The following RPLP0 variants were observed in gnomAD, a reference collection of about 807,000 sequenced individuals.
RPLP0 encodes the protein large ribosomal subunit protein uL10.
For missense variants in RPLP0, 276 were observed against 402.9 expected, an observed-to-expected ratio of 0.69 and a Z score of 2.70; for synonymous variants, 137 against 153.4, an observed-to-expected ratio of 0.89 and a Z score of 0.79.
At chr12:120,199,510 C>T in intron 2 of RPLP0, 25 bp from the exon 3 acceptor site, 3 of 1,607,074 alleles carry the variant, frequency 1.9e-6, no homozygotes, top group Non-Finnish European at 2.5e-6. Flanking sequence ...CCAGAGGAGC[C>T]AAGTTTAACA....
Position 120,198,812 on chromosome 12 carries a change from C to G in RPLP0, c.465+42G>C. On this transcript the variant is annotated intron_variant, in intron 5 of 7. Coordinates refer to ENST00000392514, the MANE Select transcript of RPLP0 (RefSeq NM_001002.4). This position sits in a 1 kb window ranked among gnomAD's most constrained non-coding sequence, Gnocchi z 4.1. ...AGATCCATGGCCACTAAAAGCAGCT[C>G]CCCATTTGCCTGGTTAGCACAGGCA... The G allele has an allele frequency of 6.2e-7, 1 of 1,612,572 alleles. No individual in the cohort carries two copies. The highest frequency in any genetic ancestry group is 1.3e-5 in the African/African-American group (1 of 74,984).
In RPLP0 at chr12:120,199,186, C is replaced by T; in HGVS notation, c.250G>A (p.Gly84Arg). 1 of 1,614,036 alleles carries T rather than the reference C, an allele frequency of 6.2e-7. No individual in the cohort carries two copies. The highest frequency in any genetic ancestry group is 1.1e-5 in the South Asian group (1 of 91,078). ...TTGGTGAACACAAAGCCCACATTCC[C>T]CCGGATATGAGGCAGCAGTCTGCAA... ...ALEKLLPHIR[G>R]NVGFVFTKED... is the part of the protein sequence containing the mutation. Residue 84 changes from glycine (G) to arginine (R), a missense_variant, in exon 4 of 8, where the codon GGG (glycine) becomes AGG (arginine). Transcript: ENST00000392514.
At position 120,196,802 on chromosome 12, in the gene RPLP0, C is replaced by T. The variant is rs915458859; in HGVS notation, c.925G>A (p.Glu309Lys). The change falls in exon 8 of 8, where the codon GAG becomes AAG. Residue 309 changes from glutamate (E) to lysine (K), a missense_variant. Transcript: ENST00000392514. ...TCAAAGAGACCAAATCCCATATCCT[C>T]GTCCGACTCCTCCGACTCTTCCTTG... The part of the protein sequence containing the change: ...EAKEESEESD[E>K]DMGFGLFD 3.8e-6 allele frequency: 6 copies of T among 1,591,882 alleles called. No individual in the cohort carries two copies. In the Admixed American group the frequency reaches 5.1e-5, roughly 14 times the overall value.
chr12:120,197,135 C>CCT, intron 7 of RPLP0, 187 bp downstream of exon 7: 1 of 1,040,002 alleles, frequency 9.6e-7, no homozygotes, highest in Non-Finnish European at 1.4e-6. Flanking sequence ...CCATTAACCC[C>CCT]CTCTTTGGGT....
chr12:120,199,464 T>G lies in RPLP0; in HGVS notation c.76A>C (p.Lys26Gln). ...KIIQLLDDYPKCFIVGADNVG... is the reference protein window; with the variant it reads ...KIIQLLDDYPQCFIVGADNVG... ...TTGTCTGCTCCCACAATGAAACATT[T>G]CGGATAATCATCCAATAGTTGCTAC... The change falls in exon 3 of 8, where the codon AAA becomes CAA. Residue 26 changes from lysine (K) to glutamine (Q), a missense_variant. Transcript: ENST00000392514. 1 of 1,614,042 alleles carries G rather than the reference T, an allele frequency of 6.2e-7. No individual in the cohort carries two copies. Among genetic ancestry groups the G allele is most frequent in the Non-Finnish European group, 8.5e-7 (1 of 1,180,020 alleles).
At chr12:120,196,963 G>T in intron 7 of RPLP0, 29 bp from the exon 8 acceptor site, 1 of 1,612,230 alleles carries the variant, frequency 6.2e-7, no homozygotes, top group South Asian at 1.1e-5. Context: ...TGGTCAAAAT[G>T]GTCATCCACA....
Position 120,197,316 on chromosome 12 carries a change from T to A in RPLP0, c.792+6A>T, listed in dbSNP as rs1275873595. 1.2e-6 allele frequency: 2 copies of A among 1,612,944 alleles called. No homozygotes were observed. Among genetic ancestry groups the A allele is most frequent in the Non-Finnish European group, 1.7e-6 (2 of 1,178,996 alleles). ...GCCCACTGTGGTCCTGGTGGGATCC[T>A]TTTACCTTTTCAGCAAGTGGGAAGG... On this transcript the variant is annotated splice_donor_region_variant and intron_variant, in intron 7 of 7. Transcript: ENST00000392514.
chr12:120,196,961 A>G (rs774856632), intron 7 of RPLP0, 27 bp from the exon 8 acceptor site: 2 of 1,612,404 alleles, frequency 1.2e-6, no homozygotes, highest in South Asian at 1.1e-5. Context: ...AGTGGTCAAA[A>G]TGGTCATCCA....
At chr12:120,197,648 G>T in intron 6 of RPLP0, 186 bp from the exon 7 acceptor site, 3 of 665,418 alleles carry the variant, frequency 4.5e-6, no homozygotes, top group Non-Finnish European at 7.5e-6. Flanking sequence ...AATAAATTTT[G>T]CCCTTATTCC....
chr12:120,196,932 G>A lies in RPLP0; in HGVS notation c.795C>T (p.Val265=). 6.2e-7 allele frequency: 1 copy of A among 1,613,232 alleles called. No homozygotes were observed. The highest frequency in any genetic ancestry group is 8.5e-7 in the Non-Finnish European group (1 of 1,179,982). The change falls in exon 8 of 8, where the codon GTC becomes GTT. Residue 265 remains valine (V), a splice_region_variant and synonymous_variant. Transcript: ENST00000392514. ...TDYTFPLAEK[V]KAFLADPSAF... Reference sequence around the variant, plus strand: ...CAGATGGATCAGCCAAGAAGGCCTTGACCTGAAAGGAGGGGGGAAGTGGTC... The same window carrying A: ...CAGATGGATCAGCCAAGAAGGCCTTAACCTGAAAGGAGGGGGGAAGTGGTC...
chr12:120,197,456 G>C lies in RPLP0; in HGVS notation c.658C>G (p.Arg220Gly), dbSNP rs776880572. The C allele has an allele frequency of 1.1e-5, 18 of 1,613,732 alleles. No individual in the cohort carries two copies. Among genetic ancestry groups the C allele is most frequent in the Non-Finnish European group, 1.4e-5 (17 of 1,179,832 alleles). ...TLHSRFLEGV[R>G]NVASVCLQIG... ...TGCAGACAGACACTGGCAACATTGC[G>C]GACACCCTGGGGGAGGGAAGATTTC... The change falls in exon 7 of 8, where the codon CGC becomes GGC. Residue 220 changes from arginine to glycine, a missense_variant. By Grantham distance (125) the Arg-to-Gly change is moderately radical (BLOSUM62 -2). Transcript: ENST00000392514.
chr12:120,198,483 A>C lies in RPLP0; in HGVS notation c.651+71T>G. 2 of 1,538,406 alleles carry C rather than the reference A, an allele frequency of 1.3e-6. No homozygotes were observed. Among genetic ancestry groups the C allele is most frequent in the African/African-American group, 2.7e-5 (2 of 73,420 alleles). On this transcript the variant is annotated intron_variant, in intron 6 of 7. Transcript: ENST00000392514. The surrounding 1 kb of genome is among the most constrained non-coding windows in gnomAD (Gnocchi z 4.1). ...AGATGAAAACACAGTCCTTGGTTAC[A>C]GGGACTCAGTCTGAACCTTGTCATG... is the stretch of plus-strand genomic sequence containing the variant.
chr12:120,196,786 C>T lies in RPLP0; in HGVS notation c.941G>A (p.Gly314Asp). The T allele has an allele frequency of 1.3e-6, 2 of 1,577,498 alleles. No individual in the cohort carries two copies. The highest frequency in any genetic ancestry group is 1.7e-6 in the Non-Finnish European group (2 of 1,156,402). ...GCTTTTTGGTGATTAGTCAAAGAGA[C>T]CAAATCCCATATCCTCGTCCGACTC... ...SEESDEDMGF[G>D]LFD The change falls in exon 8 of 8, where the codon GGT becomes GAT. Residue 314 changes from glycine to aspartate, a missense_variant. Transcript: ENST00000392514.
rs148524502 is a variant in RPLP0 at position 120,199,160 on chromosome 12, C to T, written c.276G>A (p.Lys92=). ...TGTCCCTGATCTCAGTGAGGTCCTC[C>T]TTGGTGAACACAAAGCCCACATTCC... The part of the protein sequence containing the change: ...IRGNVGFVFT[K]EDLTEIRDML... Residue 92 remains lysine, a synonymous_variant, in exon 4 of 8, where the codon AAG becomes AAA. Transcript: ENST00000392514. 9.2e-3 allele frequency: 14,910 copies of T among 1,614,064 alleles called. 100 individuals carry two copies. Among genetic ancestry groups the T allele is most frequent in the Non-Finnish European group, 0.012 (13,664 of 1,179,890 alleles).
intron 1 of RPLP0, 77 bp from the exon 2 acceptor site, chr12:120,200,908 A>T (rs1229114221): frequency 8.3e-6 from 12 of 1,446,346 alleles, no homozygotes; most frequent in South Asian, 1.4e-5. Flanking sequence ...GGAGCAGGAC[A>T]CGCGCAATCG....
chr12:120,200,148 G>C (rs1879366711), intron 2 of RPLP0: 2 of 455,498 alleles, frequency 4.4e-6, no homozygotes, highest in African/African-American at 2.0e-5. Flanking sequence ...CCTGACCTCA[G>C]ACCTTCTCAA....
chr12:120,198,303 T>TGAA lies in RPLP0; in HGVS notation c.651+248_651+250dup. ...AGGAGGCTGAGGCAGGAGAATGGTG[T>TGAA]GAACCCGGAGGCGGAGCTTGCAGTG... On this transcript the variant is annotated intron_variant, in intron 6 of 7. Coordinates refer to ENST00000392514, the MANE Select transcript of RPLP0 (RefSeq NM_001002.4). The surrounding 1 kb of genome is among the most constrained non-coding windows in gnomAD (Gnocchi z 4.1). 1 of 445,322 alleles carries TGAA rather than the reference T, an allele frequency of 2.2e-6. No individual in the cohort carries two copies. The highest frequency in any genetic ancestry group is 2.3e-5 in the South Asian group (1 of 44,042). The allele number at this position is 445,322 out of a possible 1,614,324, so 27.6% of individuals were successfully genotyped here.
At position 120,198,386 on chromosome 12, in the gene RPLP0, CAAAAA is replaced by C. The variant is rs1227730541; in HGVS notation, c.651+163_651+167del. ...GGGCGACACAGCAAGACTCTGTCTC[CAAAAA>C]AAAAAAAAAAAAATCCTTCAACAAT... On this transcript the variant is annotated intron_variant, in intron 6 of 7. Coordinates refer to ENST00000392514, the MANE Select transcript of RPLP0 (RefSeq NM_001002.4). The surrounding 1 kb of genome is among the most constrained non-coding windows in gnomAD (Gnocchi z 4.1). The C allele has an allele frequency of 1.1e-4, 58 of 528,340 alleles. No homozygotes were observed. Among genetic ancestry groups the C allele is most frequent in the Middle Eastern group, 5.1e-4 (1 of 1,966 alleles). 32.7% of individuals were successfully genotyped at this position (528,340 alleles called of 1,614,324 possible). A position where few individuals can be genotyped will look rare whatever the true frequency, so the allele number is the denominator to read the frequency against.
At chr12:120,197,498 C>T in intron 6 of RPLP0, 36 bp from the exon 7 acceptor site, 4 of 1,597,490 alleles carry the variant, frequency 2.5e-6, no homozygotes, top group Admixed American at 1.7e-5. Context: ...CGTGAGATTC[C>T]CTACAGGAAA....
Sources: allele counts gnomAD v4.1 joint callset, GRCh38; gene constraint gnomAD v4.1.1; non-coding constraint Gnocchi (gnomAD v3.1); transcripts MANE v1.5; gene names NCBI Gene and HGNC (gene_info 2026-07-23, HGNC 2026-07-21).